PRKCE: variants seen among roughly 807,000 people sequenced by gnomAD.
PRKCE encodes protein kinase C epsilon type.
In PRKCE, 16 loss-of-function variants were observed where a neutral mutation model predicts 85.4. That is an observed-to-expected ratio of 0.19 (90% confidence interval 0.13 to 0.28). The LOEUF (loss-of-function observed/expected upper bound fraction) is 0.28. Ranked by LOEUF, PRKCE falls within the 10% of genes least tolerant of loss-of-function variation. The pLI is 1.00. For missense variants in PRKCE, 573 were observed against 975.2 expected (o/e 0.59, Z 5.49); for synonymous variants, 388 against 371.5 (o/e 1.04, Z -0.51).
chr2:46,176,327 C>A (rs1466964513), intron 14 of PRKCE, among the ~76,000 whole-genome samples: 4 of 152,046 alleles, frequency 2.6e-5, no homozygotes, highest in African/African-American at 7.2e-5. Context: ...GAAGCTCCCC[C>A]AGGTGACTCC....
chr2:46,161,599 G>A (rs1428486851), intron 14 of PRKCE, among the ~76,000 whole-genome samples: 1 of 152,074 alleles, frequency 6.6e-6, no homozygotes, highest in Non-Finnish European at 1.5e-5. Flanking sequence ...GGGAGGACAA[G>A]TGAAGCCCAG....
intron 1 of PRKCE, among the ~76,000 whole-genome samples, chr2:45,678,079 ATACT>A (rs962784627): frequency 6.6e-6 from 1 of 152,208 alleles, no homozygotes; most frequent in African/African-American, 2.4e-5. Flanking sequence ...ATGGGAATTT[ATACT>A]TACTTGGTTT....
chr2:45,710,924 C>G (rs898491315), intron 1 of PRKCE, among the ~76,000 whole-genome samples: 10 of 152,172 alleles, frequency 6.6e-5, no homozygotes, highest in Admixed American at 6.5e-4. Flanking sequence ...GGGGACCTTG[C>G]CTTCTCTCGC....
chr2:46,004,193 A>G lies in PRKCE; in HGVS notation c.967-349A>G. On this transcript the variant is annotated intron_variant, in intron 7 of 14. Coordinates refer to ENST00000306156, the MANE Select transcript of PRKCE (RefSeq NM_005400.3). This position sits in a 1 kb window ranked among gnomAD's most constrained non-coding sequence, Gnocchi z 4.1. ...CTACTTTTCCAGCTTGCTAACCTTTATGGTGTCCTCGCACAACCCGAACTA... is the reference window on the plus strand; with the variant it reads ...CTACTTTTCCAGCTTGCTAACCTTTGTGGTGTCCTCGCACAACCCGAACTA... 3.1e-6 allele frequency: 1 copy of G among 320,086 alleles called. No individual in the cohort carries two copies. Among genetic ancestry groups the G allele is most frequent in the Non-Finnish European group, 6.1e-6 (1 of 163,174 alleles). 19.8% of individuals were successfully genotyped at this position (320,086 alleles called of 1,614,324 possible). A position where few individuals can be genotyped will look rare whatever the true frequency, so the allele number is the denominator to read the frequency against.
intron 2 of PRKCE, among the ~76,000 whole-genome samples, chr2:45,922,978 C>T (rs76338821): frequency 0.011 from 1,617 of 152,248 alleles, 21 homozygotes; most frequent in African/African-American, 0.037. Flanking sequence ...CAGGGCTTGA[C>T]GATTATTTCC....
chr2:46,078,540 GA>G (rs10569183), intron 10 of PRKCE, among the ~76,000 whole-genome samples: 66,129 of 140,184 alleles, frequency 0.47, 16,495 homozygotes, highest in East Asian at 0.56. Flanking sequence ...ACCCTGTCTT[GA>G]AAAAAAAAAA....
At chr2:45,894,883 T>C (rs1279923845) in intron 2 of PRKCE, among the ~76,000 whole-genome samples, 8 of 152,168 alleles carry the variant, frequency 5.3e-5, no homozygotes, top group Non-Finnish European at 1.2e-4. Flanking sequence ...CCACTGCGCC[T>C]GGCTAATTTT....
rs544482378 is a variant in PRKCE, at chr2:46,015,590, T to C, written c.1437+5073T>C. ...ACGTTTTTCAAATGCGTTTGAATCA[T>C]CTGTGTGAGCACGGGGAGAAGTGAG... is the stretch of plus-strand genomic sequence containing the variant. On this transcript the variant is annotated intron_variant, in intron 10 of 14. Coordinates refer to ENST00000306156, the MANE Select transcript of PRKCE (RefSeq NM_005400.3). Among the ~76,000 whole-genome samples the C allele has an allele frequency of 2.6e-5, 4 of 151,270 alleles. No homozygotes were observed. In the East Asian group the frequency reaches 7.8e-4, roughly 30 times the overall value.
intron 2 of PRKCE, among the ~76,000 whole-genome samples, chr2:45,949,757 T>C (rs1558874646): frequency 6.6e-6 from 1 of 152,176 alleles, no homozygotes; most frequent in Non-Finnish European, 1.5e-5. Flanking sequence ...TCGGTCCATG[T>C]TTTCCCTCTT....
At chr2:46,180,755 T>C (rs1387430493) in intron 14 of PRKCE, among the ~76,000 whole-genome samples, 2 of 152,162 alleles carry the variant, frequency 1.3e-5, no homozygotes, top group African/African-American at 2.4e-5. Context: ...AGGAAACCTA[T>C]AGTGTGCCTG....
intron 1 of PRKCE, among the ~76,000 whole-genome samples, chr2:45,716,680 G>A (rs1680133433): frequency 8.1e-6 from 1 of 123,152 alleles, no homozygotes; most frequent in Non-Finnish European, 1.6e-5. Flanking sequence ...AGAAGAAGAA[G>A]AAGAAGAAGA....
chr2:45,956,704 C>T (rs1449240492), intron 2 of PRKCE, among the ~76,000 whole-genome samples: 1 of 151,978 alleles, frequency 6.6e-6, no homozygotes, highest in East Asian at 1.9e-4. Context: ...AAAAAAAGAA[C>T]CTGCAAACTC....
intron 1 of PRKCE, among the ~76,000 whole-genome samples, chr2:45,771,240 C>A (rs1685303403): frequency 6.6e-6 from 1 of 152,192 alleles, no homozygotes; most frequent in Non-Finnish European, 1.5e-5. Context: ...GAAAGGAAAA[C>A]AAAGGACGGG....
At chr2:45,663,985 C>A (rs988535713) in intron 1 of PRKCE, among the ~76,000 whole-genome samples, 2 of 152,190 alleles carry the variant, frequency 1.3e-5, no homozygotes, top group East Asian at 1.9e-4. Flanking sequence ...ATTCATCTAG[C>A]CAACCAGCCA....
At chr2:45,879,271 A>G (rs753619996) in intron 2 of PRKCE, among the ~76,000 whole-genome samples, 2 of 152,256 alleles carry the variant, frequency 1.3e-5, no homozygotes, top group Non-Finnish European at 1.5e-5. Flanking sequence ...GAGGATGGCC[A>G]GACTTCAGGG....
chr2:46,063,006 T>G (rs1667296137), intron 10 of PRKCE, among the ~76,000 whole-genome samples: 1 of 152,246 alleles, frequency 6.6e-6, no homozygotes, highest in South Asian at 2.1e-4. Flanking sequence ...TTAAGTGCAT[T>G]CTTAGAAATC....
rs1381669826 is a variant in PRKCE at position 46,150,935 on chromosome 2, G to A, written c.1732-106G>A. ...TTCTAGGACTAGGACTCAACTGTAG[G>A]GAGGAGCAAGTTGGAATTGAAGTCC... On this transcript the variant is annotated intron_variant, in intron 12 of 14. Coordinates refer to ENST00000306156, the MANE Select transcript of PRKCE (RefSeq NM_005400.3). 3.8e-6 allele frequency: 4 copies of A among 1,041,716 alleles called. No individual in the cohort carries two copies. The Admixed American group carries it at 9.7e-5, about 25-fold the overall frequency. 64.5% of individuals were successfully genotyped at this position (1,041,716 alleles called of 1,614,324 possible).
At chr2:46,144,277 CA>C (rs1164831240) in intron 11 of PRKCE, among the ~76,000 whole-genome samples, 1 of 152,198 alleles carries the variant, frequency 6.6e-6, no homozygotes, top group Non-Finnish European at 1.5e-5. Context: ...ACCTTTCCCC[CA>C]CCCAGCCTGC....
rs774431890 is a variant in PRKCE, at chr2:46,145,601, C to T, written c.1731+370C>T. Among the ~76,000 whole-genome samples, 2 of 152,180 alleles carry T rather than the reference C, an allele frequency of 1.3e-5. No homozygotes were observed. The highest frequency in any genetic ancestry group is 2.4e-5 in the African/African-American group (1 of 41,440). The stretch of plus-strand genomic sequence containing the variant: ...AATCAGAACAGGGTGGGCACAGTGA[C>T]TCACATCTGTAATCCCAGCACTTTG... On this transcript the variant is annotated intron_variant, in intron 12 of 14. Transcript: ENST00000306156. The surrounding 1 kb of genome is among the most constrained non-coding windows in gnomAD (Gnocchi z 4.6).
Sources: gnomAD v4.1 joint callset for allele counts (sites outside exome capture counted in the v4.1 genomes callset) on GRCh38, gnomAD v4.1.1 for gene constraint, Gnocchi (gnomAD v3.1) non-coding constraint, MANE v1.5 for transcripts, NCBI Gene and HGNC (gene_info 2026-07-23, HGNC 2026-07-21) for gene names.